The following SUCLG2 variants were observed in gnomAD, a reference collection of about 807,000 sequenced individuals.
SUCLG2 encodes the protein succinate-CoA ligase GDP-forming subunit beta.
A neutral mutation model predicts 47.9 loss-of-function variants in SUCLG2; 42 were observed. That is an observed-to-expected ratio of 0.88 (90% CI 0.69 to 1.14). The LOEUF (loss-of-function observed/expected upper bound fraction) is 1.14, where lower values mean the gene tolerates loss of function less well. Among genes scored for constraint, SUCLG2 ranks in the 50% most tolerant of loss-of-function variants. SUCLG2 has a pLI of 0.00. For synonymous variants in SUCLG2, 195 were observed against 197.3 expected (o/e 0.99, Z 0.10); for missense variants, 571 against 525.9 (o/e 1.09, Z -0.84).
intron 10 of SUCLG2, among the ~76,000 whole-genome samples, chr3:67,365,851 A>G (rs907469113): frequency 6.6e-5 from 10 of 152,184 alleles, no homozygotes; most frequent in Non-Finnish European, 1.2e-4. Context: ...ACTATAACGA[A>G]ATATATTAAA....
chr3:67,503,272 A>G (rs1705548468), intron 7 of SUCLG2, among the ~76,000 whole-genome samples: 1 of 152,238 alleles, frequency 6.6e-6, no homozygotes, highest in Admixed American at 6.5e-5. Context: ...CATATTTTAT[A>G]GTGAAGGAGA....
At chr3:67,530,089 T>C (rs1706361601) in intron 2 of SUCLG2, among the ~76,000 whole-genome samples, 1 of 152,204 alleles carries the variant, frequency 6.6e-6, no homozygotes, top group African/African-American at 2.4e-5. Flanking sequence ...TGAGTCATCT[T>C]TATTTAAAAT....
chr3:67,609,438 A>T lies in SUCLG2; in HGVS notation c.226+17T>A. The T allele has an allele frequency of 6.2e-7, 1 of 1,607,228 alleles. No individual in the cohort carries two copies. Among genetic ancestry groups the T allele is most frequent in the Non-Finnish European group, 8.5e-7 (1 of 1,177,554 alleles). On this transcript the variant is annotated intron_variant, in intron 2 of 10. Coordinates refer to ENST00000307227, the MANE Select transcript of SUCLG2 (RefSeq NM_003848.4). ...TGATTTGGGCAAGTGTATTTCACCC[A>T]TTATGAATCAGCTTACTTAGTCTCT... is the stretch of plus-strand genomic sequence containing the variant.
At chr3:67,386,106 T>C (rs1702251539) in intron 10 of SUCLG2, among the ~76,000 whole-genome samples, 1 of 152,204 alleles carries the variant, frequency 6.6e-6, no homozygotes, top group East Asian at 1.9e-4. Flanking sequence ...TTTATTTATT[T>C]GAGACGGAGT....
In SUCLG2 at chr3:67,531,116, A is replaced by G. The variant is rs1706391725; in HGVS notation, c.227-1930T>C. 2.0e-5 allele frequency among the ~76,000 whole-genome samples: 3 copies of G among 152,202 alleles called. No individual in the cohort carries two copies. In the South Asian group the frequency reaches 6.2e-4, roughly 31 times the overall value. ...TGTGAAGAATAAATGAAATACAGTA[A>G]AGTGCCTGGCACATTTTTTTAAAGT... On this transcript the variant is annotated intron_variant, in intron 2 of 10. Transcript: ENST00000307227.
intron 10 of SUCLG2, among the ~76,000 whole-genome samples, chr3:67,363,379 T>G (rs1475000351): frequency 6.6e-6 from 1 of 152,182 alleles, no homozygotes; most frequent in East Asian, 1.9e-4. Context: ...ACAGCACTAT[T>G]CAAGTAGAGA....
intron 6 of SUCLG2, among the ~76,000 whole-genome samples, chr3:67,514,574 G>A (rs1559554176): frequency 6.6e-6 from 1 of 152,128 alleles, no homozygotes; most frequent in East Asian, 1.9e-4. Context: ...ACAATTCGTG[G>A]CACTCATGTT....
At chr3:67,624,612 A>G (rs923833290) in intron 1 of SUCLG2, among the ~76,000 whole-genome samples, 5 of 152,182 alleles carry the variant, frequency 3.3e-5, no homozygotes, top group African/African-American at 1.2e-4. Context: ...CACATGCCAA[A>G]TTTTTCCATC....
At chr3:67,627,715 C>A (rs1402178271) in intron 1 of SUCLG2, among the ~76,000 whole-genome samples, 3 of 152,148 alleles carry the variant, frequency 2.0e-5, no homozygotes, top group Non-Finnish European at 2.9e-5. Context: ...GTCACCATAG[C>A]CCCTGGCCCC....
In SUCLG2 at chr3:67,392,940, G is replaced by A. The variant is rs1047191937; in HGVS notation, c.1183+7791C>T. ...AACAATCCTCCTGCCTCAGTCTCCT[G>A]CTCAGCTGGGACTAGAGGCATGCAT... On this transcript the variant is annotated intron_variant, in intron 10 of 10. Transcript: ENST00000307227. Among the ~76,000 whole-genome samples, 3 of 151,954 alleles carry A rather than the reference G, an allele frequency of 2.0e-5. No homozygotes were observed. In the East Asian group the frequency reaches 5.8e-4, roughly 29 times the overall value.
intron 5 of SUCLG2, among the ~76,000 whole-genome samples, chr3:67,519,258 T>C (rs1470906417): frequency 6.6e-6 from 1 of 152,178 alleles, no homozygotes; most frequent in African/African-American, 2.4e-5. Flanking sequence ...TGCAATGGGA[T>C]GGTGTCCCAT....
At chr3:67,558,358 C>A (rs1194279462) in intron 2 of SUCLG2, among the ~76,000 whole-genome samples, 1 of 149,762 alleles carries the variant, frequency 6.7e-6, no homozygotes, top group East Asian at 2.0e-4. Context: ...ATACGGTTTA[C>A]ATGCCACAGA....
At chr3:67,390,264 GTCTC>G (rs1233647662) in intron 10 of SUCLG2, among the ~76,000 whole-genome samples, 2 of 152,166 alleles carry the variant, frequency 1.3e-5, no homozygotes, top group African/African-American at 4.8e-5. Flanking sequence ...CTTGCCATCA[GTCTC>G]TCTAATATGC....
At chr3:67,581,271 T>A (rs567782252) in intron 2 of SUCLG2, among the ~76,000 whole-genome samples, 67 of 152,306 alleles carry the variant, frequency 4.4e-4, no homozygotes, top group African/African-American at 1.6e-3. Flanking sequence ...AGGCACAAGA[T>A]CAAAAGTACG....
chr3:67,529,927 A>T (rs761747910), intron 2 of SUCLG2, among the ~76,000 whole-genome samples: 2 of 152,234 alleles, frequency 1.3e-5, no homozygotes, highest in Non-Finnish European at 2.9e-5. Flanking sequence ...TAGCCCAGTG[A>T]CAAATGGGGC....
chr3:67,442,785 A>G (rs929313065), intron 9 of SUCLG2, among the ~76,000 whole-genome samples: 1 of 152,184 alleles, frequency 6.6e-6, no homozygotes, highest in African/African-American at 2.4e-5. Flanking sequence ...ATCTATACTA[A>G]TGCTAAACAT....
chr3:67,480,740 T>C, intron 9 of SUCLG2, among the ~76,000 whole-genome samples: 1 of 152,180 alleles, frequency 6.6e-6, no homozygotes, highest in East Asian at 1.9e-4. Context: ...TCCCTGAAAG[T>C]AACCTACAAT....
intron 9 of SUCLG2, among the ~76,000 whole-genome samples, chr3:67,410,599 C>T (rs1044809089): frequency 2.0e-5 from 3 of 152,024 alleles, no homozygotes; most frequent in East Asian, 1.9e-4. Flanking sequence ...GCAAATGCAA[C>T]GTTCTTTTTT....
intron 1 of SUCLG2, among the ~76,000 whole-genome samples, chr3:67,654,124 G>A (rs1701338310): frequency 6.6e-6 from 1 of 152,254 alleles, no homozygotes; most frequent in East Asian, 1.9e-4. Context: ...AGTGCCAGAA[G>A]TTTGAAAAGC....
Sources: gnomAD v4.1 joint callset for allele counts (sites outside exome capture counted in the v4.1 genomes callset) on GRCh38, gnomAD v4.1.1 for gene constraint, MANE v1.5 for transcripts, NCBI Gene and HGNC (gene_info 2026-07-23, HGNC 2026-07-21) for gene names.